Variants in NCOA1 observed in about 807,000 individuals in gnomAD.
NCOA1 encodes nuclear receptor coactivator 1.
A neutral mutation model predicts 150.9 loss-of-function variants in NCOA1; 35 were observed. The ratio of observed to expected loss-of-function variants is 0.23; its 90% confidence interval spans 0.18 to 0.31. The LOEUF (loss-of-function observed/expected upper bound fraction) is 0.31. Ranked by LOEUF, NCOA1 falls within the 10% of genes least tolerant of loss-of-function variation. The pLI is 1.00. For synonymous variants in NCOA1, 590 were observed against 630.0 expected (o/e 0.94, Z 0.95); for missense variants, 1,491 against 1,749.3 (o/e 0.85, Z 2.63).
intron 1 of NCOA1, among the ~76,000 whole-genome samples, chr2:24,514,063 C>T (rs928477321): frequency 4.6e-5 from 7 of 151,846 alleles, no homozygotes; most frequent in African/African-American, 1.7e-4. Flanking sequence ...CCGAGGCAGG[C>T]GGATCACGAG....
intron 8 of NCOA1, among the ~76,000 whole-genome samples, chr2:24,688,803 A>C (rs1463095342): frequency 6.6e-6 from 1 of 152,144 alleles, no homozygotes; most frequent in African/African-American, 2.4e-5. Context: ...TGGCATCTTC[A>C]TCATGAAATC....
intron 3 of NCOA1, among the ~76,000 whole-genome samples, chr2:24,612,201 G>C (rs894385043): frequency 1.3e-5 from 2 of 152,050 alleles, no homozygotes; most frequent in Admixed American, 1.3e-4. Flanking sequence ...TTAAATTCTT[G>C]GTTGGAATTA....
chr2:24,751,275 T>C (rs1395871261), intron 19 of NCOA1, among the ~76,000 whole-genome samples: 1 of 149,532 alleles, frequency 6.7e-6, no homozygotes, highest in Non-Finnish European at 1.5e-5. Context: ...CACACGTGGC[T>C]TTTTCTTAAC....
At chr2:24,573,781 C>CA (rs1261948298) in intron 2 of NCOA1, among the ~76,000 whole-genome samples, 1 of 151,784 alleles carries the variant, frequency 6.6e-6, no homozygotes, top group Non-Finnish European at 1.5e-5. Flanking sequence ...ACAAATCAAA[C>CA]AAAAAAATTG....
intron 1 of NCOA1, among the ~76,000 whole-genome samples, chr2:24,525,787 A>G (rs962004314): frequency 6.6e-6 from 1 of 152,076 alleles, no homozygotes; most frequent in African/African-American, 2.4e-5. Context: ...GCCTCAAGTG[A>G]TCTGCCCGCC....
At chr2:24,510,962 T>C (rs1158008558) in intron 1 of NCOA1, among the ~76,000 whole-genome samples, 1 of 152,220 alleles carries the variant, frequency 6.6e-6, no homozygotes, top group Non-Finnish European at 1.5e-5. Context: ...AACTTTTGTT[T>C]CCTCAGAAAG....
In NCOA1 at chr2:24,617,416, C is replaced by G. The variant is rs192459448; in HGVS notation, c.-174-26550C>G. 6.6e-5 allele frequency among the ~76,000 whole-genome samples: 10 copies of G among 152,238 alleles called. No individual in the cohort carries two copies. In the East Asian group the frequency reaches 1.9e-3, roughly 29 times the overall value. On this transcript the variant is annotated intron_variant, in intron 3 of 22. Coordinates refer to ENST00000348332, the MANE Select transcript of NCOA1 (RefSeq NM_003743.5). ...CTCTCTTTTTTACTTGTTCTTCCAG[C>G]TGTAACAGTGTCCCTCTTGAAATAT...
chr2:24,610,847 C>T (rs1668591837), intron 3 of NCOA1, among the ~76,000 whole-genome samples: 1 of 151,222 alleles, frequency 6.6e-6, no homozygotes. Flanking sequence ...CTTGAGTTCA[C>T]AGTGCATTCC....
chr2:24,500,484 G>C (rs1412534304), intron 1 of NCOA1, among the ~76,000 whole-genome samples: 2 of 152,298 alleles, frequency 1.3e-5, no homozygotes, highest in East Asian at 3.9e-4. Context: ...TTCTCTTTCA[G>C]TCTGTTGTGG....
intron 3 of NCOA1, among the ~76,000 whole-genome samples, chr2:24,627,200 A>G (rs868113611): frequency 7.2e-6 from 1 of 139,374 alleles, no homozygotes; most frequent in South Asian, 2.2e-4. Flanking sequence ...ACTACTGTGC[A>G]TGTCACCATA....
chr2:24,761,746 A>G (rs774349434), intron 21 of NCOA1, among the ~76,000 whole-genome samples: 2 of 151,900 alleles, frequency 1.3e-5, no homozygotes, highest in Non-Finnish European at 2.9e-5. Context: ...GGAAATGGTT[A>G]CTTGGAAGTT....
At chr2:24,527,034 A>C (rs1396327825) in intron 1 of NCOA1, among the ~76,000 whole-genome samples, 1 of 152,168 alleles carries the variant, frequency 6.6e-6, no homozygotes, top group Non-Finnish European at 1.5e-5. Context: ...GCATTCTCAT[A>C]ATTTGGTATC....
chr2:24,504,651 G>A (rs1274173296), intron 1 of NCOA1, among the ~76,000 whole-genome samples: 1 of 152,190 alleles, frequency 6.6e-6, no homozygotes, highest in Non-Finnish European at 1.5e-5. Flanking sequence ...GACAATTAAA[G>A]GAGAAACTTT....
intron 7 of NCOA1, among the ~76,000 whole-genome samples, chr2:24,675,027 C>T (rs1319579804): frequency 6.6e-6 from 1 of 152,170 alleles, no homozygotes; most frequent in Non-Finnish European, 1.5e-5. Context: ...TCTTTCTCTA[C>T]CCCTCTGGTT....
intron 14 of NCOA1, among the ~76,000 whole-genome samples, chr2:24,721,637 A>G (rs925589630): frequency 6.6e-6 from 1 of 152,206 alleles, no homozygotes; most frequent in Admixed American, 6.5e-5. Flanking sequence ...TATGCTCACA[A>G]TTGTAATCCC....
intron 4 of NCOA1, among the ~76,000 whole-genome samples, chr2:24,654,917 A>C (rs1034780373): frequency 6.6e-6 from 1 of 151,828 alleles, no homozygotes; most frequent in Non-Finnish European, 1.5e-5. Context: ...CTTTGTTCAT[A>C]TCTCTCACTT....
intron 8 of NCOA1, among the ~76,000 whole-genome samples, chr2:24,686,277 A>G (rs1310851033): frequency 6.6e-6 from 1 of 152,210 alleles, no homozygotes; most frequent in Non-Finnish European, 1.5e-5. Context: ...TGCTGGGATT[A>G]CAGGAGTCAG....
chr2:24,745,979 C>T (rs1162173470), intron 19 of NCOA1, among the ~76,000 whole-genome samples: 5 of 152,194 alleles, frequency 3.3e-5, no homozygotes. Flanking sequence ...TCTTCCTGGA[C>T]ACTCCCAATC....
intron 11 of NCOA1, among the ~76,000 whole-genome samples, chr2:24,702,484 A>C (rs1316245601): frequency 6.6e-6 from 1 of 152,174 alleles, no homozygotes; most frequent in Non-Finnish European, 1.5e-5. Flanking sequence ...CTCAGCACCA[A>C]ATTGGGAGGG....
Sources: gnomAD v4.1 joint callset for allele counts (sites outside exome capture counted in the v4.1 genomes callset) on GRCh38, gnomAD v4.1.1 for gene constraint, MANE v1.5 for transcripts, NCBI Gene and HGNC (gene_info 2026-07-23, HGNC 2026-07-21) for gene names.